Variants in ATR observed in about 807,000 individuals in gnomAD.
ATR encodes ATR checkpoint kinase.
Under a neutral mutation model 305.3 loss-of-function variants are expected in ATR, and 142 were observed. The observed-to-expected ratio is 0.47, with a 90% CI of 0.41 to 0.53. The LOEUF is 0.53. Ranked by LOEUF, ATR falls within the 20% of genes least tolerant of loss-of-function variation. The pLI is 0.00. For missense variants in ATR, 2,135 were observed against 3,133.1 expected (o/e 0.68, Z 7.60); for synonymous variants, 1,050 against 1,068.1 (o/e 0.98, Z 0.33).
chr3:142,546,365 C>T (rs1446386659), intron 16 of ATR, among the ~76,000 whole-genome samples: 1 of 152,166 alleles, frequency 6.6e-6, no homozygotes, highest in Non-Finnish European at 1.5e-5. Context: ...CTTGCTGGTT[C>T]CCTTAACCTT....
In ATR at chr3:142,510,396, C is replaced by G. The variant is rs559936081; in HGVS notation, c.4852+1864G>C. 4.6e-5 allele frequency among the ~76,000 whole-genome samples: 7 copies of G among 151,056 alleles called. No individual in the cohort carries two copies. The South Asian group carries it at 1.5e-3, about 32-fold the overall frequency. On this transcript the variant is annotated intron_variant, in intron 27 of 46. Transcript: ENST00000350721. ...ATCACTTGAACCCAGGAGGTGGAAG[C>G]TGCAGTGAGCCAAGATCACACCACT...
chr3:142,477,601 C>A lies in ATR; in HGVS notation c.6222-7418G>T, dbSNP rs551673223. Among the ~76,000 whole-genome samples the A allele has an allele frequency of 8.5e-5, 13 of 152,282 alleles. No individual in the cohort carries two copies. In the South Asian group the frequency reaches 2.1e-3, roughly 24 times the overall value. On this transcript the variant is annotated intron_variant, in intron 36 of 46. Transcript: ENST00000350721. ...GGCTTTGGTATCAGGATGATGCTGG[C>A]CTCATAAAATGAGTTAGGGAGGACT...
chr3:142,451,880 A>G, intron 46 of ATR: 22 of 1,319,970 alleles, frequency 1.7e-5, no homozygotes, highest in Non-Finnish European at 2.2e-5. Flanking sequence ...AGAAGTTTTA[A>G]CAGGTTCAAG....
intron 35 of ATR, 117 bp from the exon 36 acceptor site, chr3:142,485,399 G>T: frequency 8.2e-7 from 1 of 1,223,658 alleles, no homozygotes; most frequent in Non-Finnish European, 1.1e-6. Context: ...GCAGAGCAAA[G>T]TCAAAAGCAG....
Position 142,480,827 on chromosome 3 carries a change from G to A in ATR, c.6221+4313C>T, listed in dbSNP as rs370225982. ...CAGCCTTGCTGCCGCCTTGCAGTTC[G>A]ATCTCAGACTGCTATGCTAGCAATG... On this transcript the variant is annotated intron_variant, in intron 36 of 46. Transcript: ENST00000350721. 1.8e-4 allele frequency among the ~76,000 whole-genome samples: 27 copies of A among 152,282 alleles called. No homozygotes were observed. In the South Asian group the frequency reaches 4.4e-3, roughly 25 times the overall value.
chr3:142,547,351 T>C (rs2034306920), intron 16 of ATR, among the ~76,000 whole-genome samples: 1 of 152,182 alleles, frequency 6.6e-6, no homozygotes, highest in African/African-American at 2.4e-5. Flanking sequence ...TATTCTAATA[T>C]ACATGTAATT....
intron 1 of ATR, among the ~76,000 whole-genome samples, chr3:142,571,561 T>G (rs1432400544): frequency 6.6e-6 from 1 of 152,146 alleles, no homozygotes; most frequent in Non-Finnish European, 1.5e-5. Flanking sequence ...TAACTCTACC[T>G]AGAGGATTCA....
intron 36 of ATR, among the ~76,000 whole-genome samples, chr3:142,476,863 ATAGGAG>A (rs1233282408): frequency 6.6e-6 from 1 of 152,140 alleles, no homozygotes; most frequent in African/African-American, 2.4e-5. Context: ...GCAATTGTGA[ATAGGAG>A]TTCACTCATG....
At chr3:142,562,125 T>A in intron 4 of ATR, 107 bp downstream of exon 4, 1 of 1,190,302 alleles carries the variant, frequency 8.4e-7, no homozygotes, top group Non-Finnish European at 1.2e-6. Context: ...AAATATAAAT[T>A]ACTATTAAAG....
chr3:142,482,488 T>A (rs978980674), intron 36 of ATR, among the ~76,000 whole-genome samples: 6 of 152,134 alleles, frequency 3.9e-5, no homozygotes, highest in Non-Finnish European at 8.8e-5. Flanking sequence ...CCAAGGCACA[T>A]GATATATACT....
chr3:142,477,192 T>G (rs2029910552), intron 36 of ATR, among the ~76,000 whole-genome samples: 1 of 151,194 alleles, frequency 6.6e-6, no homozygotes, highest in Non-Finnish European at 1.5e-5. Context: ...AAGGAATGCT[T>G]CCAGTTTTTG....
Position 142,556,030 on chromosome 3 carries a change from C to T in ATR, c.2188G>A (p.Glu730Lys), listed in dbSNP as rs1366535624. ...ACATGTCCGTGTTCAGAGAAAGGTT[C>T]TGTTAAAGAACTTGTCAGATAAAAC... ...GMFYLTSSLT[E>K]PFSEHGHVDL... Residue 730 changes from glutamate to lysine, a missense_variant, in exon 10 of 47, where the codon GAA becomes AAA. This residue lies in a region of ATR where 744 missense variants were observed against 873.2 expected (regional missense o/e 0.85). Transcript: ENST00000350721. The T allele has an allele frequency of 6.2e-7, 1 of 1,613,934 alleles. No individual in the cohort carries two copies. Among genetic ancestry groups the T allele is most frequent in the East Asian group, 2.2e-5 (1 of 44,842 alleles).
At chr3:142,561,108 T>A in intron 5 of ATR, 135 bp downstream of exon 5, 1 of 902,502 alleles carries the variant, frequency 1.1e-6, no homozygotes, top group East Asian at 2.6e-5. Context: ...AAAAATATTT[T>A]AAGCACTCCC....
intron 21 of ATR, among the ~76,000 whole-genome samples, chr3:142,530,460 A>T (rs2033593274): frequency 6.6e-6 from 1 of 152,294 alleles, no homozygotes; most frequent in East Asian, 1.9e-4. Flanking sequence ...GTCTTACAGG[A>T]ACCTTGCATA....
At chr3:142,542,539 G>T (rs2034090671) in intron 17 of ATR, 126 bp downstream of exon 17, 1 of 922,042 alleles carries the variant, frequency 1.1e-6, no homozygotes, top group Non-Finnish European at 1.7e-6. Context: ...ACGTATATGA[G>T]TTCTTCAGCA....
chr3:142,495,036 G>T (rs1248061484), intron 34 of ATR, among the ~76,000 whole-genome samples: 2 of 152,206 alleles, frequency 1.3e-5, no homozygotes, highest in African/African-American at 4.8e-5. Flanking sequence ...GATGTGAAAA[G>T]TGAGGTTGCA....
chr3:142,556,484 G>A lies in ATR; in HGVS notation c.1977C>T (p.Ala659=), dbSNP rs2034677623. ...GGATTACTTCATGGGAGCTCTGCAGGGCCCAGTTGTAAACTGCTGTTCTCC... is the reference window on the plus strand; with the variant it reads ...GGATTACTTCATGGGAGCTCTGCAGAGCCCAGTTGTAAACTGCTGTTCTCC... ...LEWRTAVYNW[A]LQSSHEVIRA... The change falls in exon 9 of 47, where the codon GCC becomes GCT. Residue 659 remains alanine (A), a synonymous_variant. Coordinates refer to ENST00000350721, the MANE Select transcript of ATR (RefSeq NM_001184.4). The A allele has an allele frequency of 6.2e-7, 1 of 1,613,832 alleles. No individual in the cohort carries two copies. The highest frequency in any genetic ancestry group is 8.5e-7 in the Non-Finnish European group (1 of 1,179,948).
intron 36 of ATR, among the ~76,000 whole-genome samples, chr3:142,475,176 C>T (rs1431448907): frequency 5.3e-5 from 8 of 152,040 alleles, no homozygotes. Flanking sequence ...TATACATGTG[C>T]CATGTTGGTG....
intron 27 of ATR, among the ~76,000 whole-genome samples, chr3:142,511,549 G>C (rs889561968): frequency 6.6e-6 from 1 of 151,934 alleles, no homozygotes; most frequent in Non-Finnish European, 1.5e-5. Flanking sequence ...CCAGCTACTC[G>C]CAAAGCTGAG....
Sources: allele counts gnomAD v4.1 joint callset (sites outside exome capture counted in the v4.1 genomes callset), GRCh38; gene constraint gnomAD v4.1.1; regional missense constraint gnomAD v4.1.1; transcripts MANE v1.5; gene names NCBI Gene and HGNC (gene_info 2026-07-23, HGNC 2026-07-21).